The following NUP205 variants were observed in gnomAD, a reference collection of about 807,000 sequenced individuals.
NUP205 encodes the protein nuclear pore complex protein Nup205.
Under a neutral mutation model 253.8 loss-of-function variants are expected in NUP205, and 76 were observed. The ratio of observed to expected loss-of-function variants is 0.30; its 90% CI spans 0.25 to 0.36. NUP205 has a LOEUF of 0.36. NUP205 is among the 10% of genes least tolerant of loss of function. The pLI is 1.00. For missense variants in NUP205, 2,162 were observed against 2,425.5 expected (o/e 0.89, Z 2.28); for synonymous variants, 832 against 850.1 (o/e 0.98, Z 0.37).
intron 28 of NUP205, among the ~76,000 whole-genome samples, chr7:135,619,195 C>A (rs1479192149): frequency 6.6e-6 from 1 of 151,996 alleles, no homozygotes; most frequent in Non-Finnish European, 1.5e-5. Context: ...GAGATTCCAT[C>A]TCTACGAGCA....
chr7:135,563,600 C>T (rs1306075414), intron 1 of NUP205, among the ~76,000 whole-genome samples: 2 of 152,044 alleles, frequency 1.3e-5, no homozygotes, highest in Non-Finnish European at 2.9e-5. Context: ...CTGGAGGTAT[C>T]CCTAAACATT....
At chr7:135,584,742 C>G in intron 7 of NUP205, 90 bp from the exon 8 acceptor site, 1 of 1,146,914 alleles carries the variant, frequency 8.7e-7, no homozygotes, top group Non-Finnish European at 1.3e-6. Flanking sequence ...GGGAAGATGT[C>G]TGAACCATCA....
chr7:135,582,873 G>A (rs2129489978), intron 7 of NUP205, among the ~76,000 whole-genome samples: 2 of 152,214 alleles, frequency 1.3e-5, no homozygotes, highest in South Asian at 4.2e-4. Flanking sequence ...GGTGGATCAT[G>A]AGGTCAAGAG....
intron 22 of NUP205, among the ~76,000 whole-genome samples, chr7:135,613,007 G>T (rs1794276024): frequency 6.6e-6 from 1 of 151,912 alleles, no homozygotes; most frequent in Non-Finnish European, 1.5e-5. Context: ...GATCACTTTA[G>T]CCCAGGAGGT....
chr7:135,562,572 A>G (rs1214737474), intron 1 of NUP205, among the ~76,000 whole-genome samples: 3 of 123,718 alleles, frequency 2.4e-5, no homozygotes, highest in African/African-American at 9.3e-5. Context: ...TTTTTGAGAC[A>G]GAGTCTGGCT....
rs754686558 is a variant in NUP205 at position 135,643,177 on chromosome 7, C to T, written c.5393-15C>T. 2.5e-6 allele frequency: 4 copies of T among 1,607,104 alleles called. No individual in the cohort carries two copies. The highest frequency in any genetic ancestry group is 1.1e-5 in the South Asian group (1 of 90,342). On this transcript the variant is annotated splice_polypyrimidine_tract_variant and intron_variant, in intron 38 of 42. Coordinates refer to ENST00000285968, the MANE Select transcript of NUP205 (RefSeq NM_015135.3). Reference sequence around the variant, plus strand: ...TTATAAGTGGAACATTGTTTTATGTCATCACCTCTATTAGATACCCAAGCT... The same window carrying T: ...TTATAAGTGGAACATTGTTTTATGTTATCACCTCTATTAGATACCCAAGCT...
In NUP205 at chr7:135,617,397, C is replaced by T. The variant is rs920300466; in HGVS notation, c.3690+150C>T. The T allele has an allele frequency of 7.1e-6, 6 of 849,240 alleles. No homozygotes were observed. In the Admixed American group the frequency reaches 1.4e-4, roughly 20 times the overall value. 52.6% of individuals were successfully genotyped at this position (849,240 alleles called of 1,614,324 possible). On this transcript the variant is annotated intron_variant, in intron 26 of 42. Coordinates refer to ENST00000285968, the MANE Select transcript of NUP205 (RefSeq NM_015135.3). ...GGACTGTGATTTTTGTAAAATATCCCTGAAATAAAACTTAATATATCACCT... is the reference window on the plus strand; with the variant it reads ...GGACTGTGATTTTTGTAAAATATCCTTGAAATAAAACTTAATATATCACCT...
intron 34 of NUP205, among the ~76,000 whole-genome samples, chr7:135,629,499 C>CTCTG (rs1554466928): frequency 7.4e-6 from 1 of 135,104 alleles, no homozygotes; most frequent in African/African-American, 2.9e-5. Flanking sequence ...CTCTCTCTCT[C>CTCTG]TCTCTCTCTC....
rs1793879785 is a variant in NUP205 at position 135,597,916 on chromosome 7, A to G, written c.2065-82A>G. The G allele has an allele frequency of 6.8e-6, 7 of 1,034,590 alleles. No individual in the cohort carries two copies. In the South Asian group the frequency reaches 8.2e-5, roughly 12 times the overall value. 64.1% of individuals were successfully genotyped at this position (1,034,590 alleles called of 1,614,324 possible). On this transcript the variant is annotated intron_variant, in intron 14 of 42. Coordinates refer to ENST00000285968, the MANE Select transcript of NUP205 (RefSeq NM_015135.3). ...TCTTTTGGTGTGAGTTAGCACTATTAATATGTTAATGTCTGCATAATACTC... is the reference window on the plus strand; with the variant it reads ...TCTTTTGGTGTGAGTTAGCACTATTGATATGTTAATGTCTGCATAATACTC...
intron 1 of NUP205, among the ~76,000 whole-genome samples, chr7:135,567,425 CAAAAA>C (rs760535798): frequency 1.5e-5 from 1 of 65,024 alleles, no homozygotes; most frequent in Non-Finnish European, 2.8e-5. Context: ...CTGTCTATAC[CAAAAA>C]AAAAAAAAAA....
intron 23 of NUP205, 128 bp from the exon 24 acceptor site, chr7:135,615,788 A>G (rs900227394): frequency 1.2e-5 from 6 of 491,832 alleles, no homozygotes; most frequent in Non-Finnish European, 2.0e-5. Context: ...AGAAATTATT[A>G]TGTTGCTGAG....
rs1352800748 is a variant in NUP205, at chr7:135,598,036, C to T, written c.2103C>T (p.Tyr701=). Residue 701 remains tyrosine, a synonymous_variant, in exon 15 of 43, where the codon TAC becomes TAT. Coordinates refer to ENST00000285968, the MANE Select transcript of NUP205 (RefSeq NM_015135.3). ...LNEIESRCEE[Y]PLTRAFCQLI... ...AAATAGAATCCCGGTGTGAAGAATA[C>T]CCATTGACTCGGGCCTTTTGCCAGC... The T allele has an allele frequency of 1.9e-6, 3 of 1,613,832 alleles. No individual in the cohort carries two copies. Among genetic ancestry groups the T allele is most frequent in the Non-Finnish European group, 2.5e-6 (3 of 1,179,920 alleles).
chr7:135,644,359 C>T (rs56306315), intron 39 of NUP205, among the ~76,000 whole-genome samples: 32,131 of 152,006 alleles, frequency 0.21, 3,505 homozygotes, highest in South Asian at 0.31. Flanking sequence ...TCATGAAGCG[C>T]GTGGCCTTCC....
rs1182543411 is a variant in NUP205, at chr7:135,626,294, T to C, written c.4726T>C (p.Ser1576Pro). 6 of 1,613,938 alleles carry C rather than the reference T, an allele frequency of 3.7e-6. No homozygotes were observed. The highest frequency in any genetic ancestry group is 5.1e-6 in the Non-Finnish European group (6 of 1,179,992). ...GCAGGGTGCATTAGAGCTGCTAAGA[T>C]CAGGGGTGATTGTGAGACTAGCTCA... The part of the protein sequence containing the change: ...IQQGALELLR[S>P]GVIVRLAQCQ... The change falls in exon 33 of 43, where the codon TCA becomes CCA. Residue 1576 changes from serine to proline, a missense_variant. Ser to Pro is a moderately conservative substitution (Grantham distance 74, BLOSUM62 -1). Coordinates refer to ENST00000285968, the MANE Select transcript of NUP205 (RefSeq NM_015135.3).
rs1446286232 is a variant in NUP205 at position 135,628,014 on chromosome 7, C to A, written c.4835C>A (p.Pro1612Gln). 1 of 1,611,970 alleles carries A rather than the reference C, an allele frequency of 6.2e-7. No individual in the cohort carries two copies. Residue 1612 changes from proline (P) to glutamine (Q), a missense_variant, in exon 34 of 43, where the codon CCA (proline) becomes CAA (glutamine). Transcript: ENST00000285968. ...GACCCTCCAATGTTCATCCCTACCC[C>A]AGTGGATCGCTACCGCCAGATTCTC... is the stretch of plus-strand genomic sequence containing the variant. Reference protein sequence around the residue: ...MRDPPMFIPTPVDRYRQILLP... With the variant: ...MRDPPMFIPTQVDRYRQILLP...
Position 135,568,884 on chromosome 7 carries a change from T to C in NUP205, c.29-2221T>C, listed in dbSNP as rs192449244. ...TCAAATGCTGCACAAGTGCAGCCAT[T>C]CCTTAGCCAACTCTGACCATCAGTT... is the stretch of plus-strand genomic sequence containing the variant. On this transcript the variant is annotated intron_variant, in intron 1 of 42. Transcript: ENST00000285968. Among the ~76,000 whole-genome samples the C allele has an allele frequency of 4.4e-4, 67 of 152,338 alleles. No homozygotes were observed. The East Asian group carries it at 0.011, about 26-fold the overall frequency.
At chr7:135,631,927 T>A (rs573869188) in intron 35 of NUP205, among the ~76,000 whole-genome samples, 162 of 152,202 alleles carry the variant, frequency 1.1e-3, no homozygotes, top group African/African-American at 3.8e-3. Context: ...TTTTTTGTAT[T>A]TTTAGTAGAG....
chr7:135,638,130 C>G, intron 37 of NUP205, 71 bp downstream of exon 37: 1 of 1,519,380 alleles, frequency 6.6e-7, no homozygotes, highest in Non-Finnish European at 8.9e-7. Flanking sequence ...CAGATGTGGA[C>G]CTGGTGCGGT....
rs777592443 is a variant in NUP205, at chr7:135,587,870, A to G, written c.1351A>G (p.Lys451Glu). ...CTCTTTGCAGATTGGCGAGCTATAT[A>G]AAAAGAACCCTTTTCATCTGGAGCT... ...HLMLLIGELY[K>E]KNPFHLELAL... The change falls in exon 10 of 43, where the codon AAA becomes GAA. Residue 451 changes from lysine to glutamate, a missense_variant. Physicochemically the swap from Lys to Glu is moderately conservative, Grantham distance 56. Transcript: ENST00000285968. 7 of 1,612,968 alleles carry G rather than the reference A, an allele frequency of 4.3e-6. No individual in the cohort carries two copies. Among genetic ancestry groups the G allele is most frequent in the Non-Finnish European group, 5.9e-6 (7 of 1,179,494 alleles).
Sources: allele counts gnomAD v4.1 joint callset (sites outside exome capture counted in the v4.1 genomes callset), GRCh38; gene constraint gnomAD v4.1.1; transcripts MANE v1.5; gene names NCBI Gene and HGNC (gene_info 2026-07-23, HGNC 2026-07-21).